The following RAMP3 variants were observed in gnomAD, a reference collection of about 807,000 sequenced individuals.
RAMP3 encodes receptor activity-modifying protein 3.
Under a neutral mutation model 13.5 loss-of-function variants are expected in RAMP3, and 14 were observed. The ratio of observed to expected loss-of-function variants is 1.04; its 90% CI spans 0.69 to 1.63. The LOEUF (loss-of-function observed/expected upper bound fraction) is 1.63, where lower values mean the gene tolerates loss of function less well. RAMP3 is among the 40% of genes most tolerant of loss of function. The probability of loss-of-function intolerance (pLI) is 0.00; values close to 1 mark genes in which losing one functional copy is unlikely to be tolerated. For synonymous variants in RAMP3, 106 were observed against 88.3 expected, an observed-to-expected ratio of 1.20 and a Z score of -1.12; for missense variants, 200 against 204.8, an observed-to-expected ratio of 0.98 and a Z score of 0.14.
intron 1 of RAMP3, among the ~76,000 whole-genome samples, chr7:45,167,573 TTA>T (rs1322601572): frequency 2.1e-5 from 3 of 146,252 alleles, no homozygotes; most frequent in Admixed American, 6.7e-5. Context: ...TTTTTTTTTT[TTA>T]TTTTTGAGAC....
intron 1 of RAMP3, among the ~76,000 whole-genome samples, chr7:45,161,457 GA>G (rs1314708605): frequency 6.6e-6 from 1 of 152,114 alleles, no homozygotes; most frequent in Non-Finnish European, 1.5e-5. Flanking sequence ...TAGTTAATGT[GA>G]AAATGTGGCA....
chr7:45,175,182 A>G (rs1229838045), intron 1 of RAMP3, among the ~76,000 whole-genome samples: 2 of 152,208 alleles, frequency 1.3e-5, no homozygotes, highest in East Asian at 1.9e-4. Flanking sequence ...CGTGGGGGTC[A>G]GGGACATTCC....
chr7:45,167,558 C>CTTTTTT (rs373727786), intron 1 of RAMP3, among the ~76,000 whole-genome samples: 1 of 139,494 alleles, frequency 7.2e-6, no homozygotes. Context: ...CAACTTTGTT[C>CTTTTTT]TTTTTTTTTT....
rs1786359096 is a variant in RAMP3, at chr7:45,183,371, C to T, written c.406C>T (p.Leu136=). Residue 136 remains leucine (L), a synonymous_variant, in exon 3 of 3, where the codon CTG becomes TTG. Coordinates refer to ENST00000242249, the MANE Select transcript of RAMP3 (RefSeq NM_005856.3). ...CGTTCTGACTGTCGCCATGGCTGGC[C>T]TGGTGGTGTGGCGCAGCAAACGCAC... ...PVVLTVAMAG[L]VVWRSKRTDT... 1 of 1,613,492 alleles carries T rather than the reference C, an allele frequency of 6.2e-7. No homozygotes were observed. The highest frequency in any genetic ancestry group is 8.5e-7 in the Non-Finnish European group (1 of 1,180,052).
chr7:45,178,654 C>T (rs1436522960), intron 2 of RAMP3, among the ~76,000 whole-genome samples: 1 of 152,246 alleles, frequency 6.6e-6, no homozygotes, highest in Admixed American at 6.5e-5. Flanking sequence ...CAGGCTCCTC[C>T]TGGTCCTCAG....
At chr7:45,167,135 T>C (rs919345680) in intron 1 of RAMP3, among the ~76,000 whole-genome samples, 3 of 152,106 alleles carry the variant, frequency 2.0e-5, no homozygotes, top group African/African-American at 7.2e-5. Flanking sequence ...TTTTTTGTAC[T>C]TTTAGTAGAG....
intron 1 of RAMP3, among the ~76,000 whole-genome samples, chr7:45,160,330 C>CAAAAAAAAAAAAAAAAAAAAAAAAAAAAA: frequency 5.6e-5 from 1 of 17,870 alleles, no homozygotes; most frequent in Non-Finnish European, 1.1e-4. Context: ...GACTCTGCCT[C>CAAAAAAAAAAAAAAAAAAAAAAAAAAAAA]AAAAAAAAAA....
chr7:45,165,065 A>G (rs1249199878), intron 1 of RAMP3, among the ~76,000 whole-genome samples: 1 of 151,640 alleles, frequency 6.6e-6, no homozygotes, highest in Non-Finnish European at 1.5e-5. Context: ...TTATTACTCC[A>G]TTTCTTTTTC....
intron 1 of RAMP3, among the ~76,000 whole-genome samples, chr7:45,175,910 C>T (rs1584074660): frequency 6.6e-6 from 1 of 152,126 alleles, no homozygotes; most frequent in Non-Finnish European, 1.5e-5. Context: ...TGGAGCAGGT[C>T]CCTGCACCAG....
At position 45,183,378 on chromosome 7, in the gene RAMP3, T is replaced by A; in HGVS notation, c.413T>A (p.Val138Glu). The change falls in exon 3 of 3, where the codon GTG (valine) becomes GAG (glutamate). Residue 138 changes from valine to glutamate, a missense_variant. Transcript: ENST00000242249. ...VLTVAMAGLV[V>E]WRSKRTDTLL ...ACTGTCGCCATGGCTGGCCTGGTGG[T>A]GTGGCGCAGCAAACGCACCGACACG... The A allele has an allele frequency of 6.2e-7, 1 of 1,613,308 alleles. No individual in the cohort carries two copies. Among genetic ancestry groups the A allele is most frequent in the South Asian group, 1.1e-5 (1 of 91,078 alleles).
chr7:45,179,281 C>G (rs1294934), intron 2 of RAMP3, among the ~76,000 whole-genome samples: 63,876 of 151,800 alleles, frequency 0.42, 14,462 homozygotes, highest in Admixed American at 0.51. Flanking sequence ...AGTGACCCCC[C>G]CAACCCCTGG....
rs1785927952 is a variant in RAMP3, at chr7:45,164,845, T to C, written c.58+6959T>C. On this transcript the variant is annotated intron_variant, in intron 1 of 2. Transcript: ENST00000242249. ...TTTATTTTGAACCTATTTGAGTCTT[T>C]TCATTTAAAGTTGGATTCTTGTTGG... Among the ~76,000 whole-genome samples, 3 of 152,236 alleles carry C rather than the reference T, an allele frequency of 2.0e-5. No homozygotes were observed. In the South Asian group the frequency reaches 6.2e-4, roughly 31 times the overall value.
At chr7:45,168,964 T>C (rs1326132950) in intron 1 of RAMP3, among the ~76,000 whole-genome samples, 2 of 152,204 alleles carry the variant, frequency 1.3e-5, no homozygotes, top group Non-Finnish European at 2.9e-5. Flanking sequence ...TCCTAATATA[T>C]TGAGTGTTTT....
At chr7:45,159,345 G>A (rs545348776) in intron 1 of RAMP3, among the ~76,000 whole-genome samples, 1 of 152,296 alleles carries the variant, frequency 6.6e-6, no homozygotes, top group African/African-American at 2.4e-5. Context: ...AGAGGTATCC[G>A]GGACTGGAAC....
rs1204947129 is a variant in RAMP3, at chr7:45,171,830, ATCCCT to A, written c.59-5476_59-5472del. On this transcript the variant is annotated intron_variant, in intron 1 of 2. Transcript: ENST00000242249. ...TTCTGTTCTGTTCCAAATATAGTCA[ATCCCT>A]TCTGCAACAGCTATGGAAATATCTG... is the stretch of plus-strand genomic sequence containing the variant. Among the ~76,000 whole-genome samples, 7 of 152,266 alleles carry A rather than the reference ATCCCT, an allele frequency of 4.6e-5. No homozygotes were observed. The East Asian group carries it at 1.3e-3, about 29-fold the overall frequency.
chr7:45,173,414 G>A (rs936185429), intron 1 of RAMP3, among the ~76,000 whole-genome samples: 2 of 152,070 alleles, frequency 1.3e-5, no homozygotes, highest in African/African-American at 4.8e-5. Flanking sequence ...CAGGACCCTG[G>A]GCTATTGTCC....
chr7:45,160,563 G>T (rs373973014), intron 1 of RAMP3, among the ~76,000 whole-genome samples: 1 of 151,800 alleles, frequency 6.6e-6, no homozygotes, highest in African/African-American at 2.4e-5. Context: ...TCCCAAGGTC[G>T]ACTGACCGTG....
At chr7:45,176,441 G>A (rs974532521) in intron 1 of RAMP3, among the ~76,000 whole-genome samples, 16 of 150,078 alleles carry the variant, frequency 1.1e-4, no homozygotes, top group Non-Finnish European at 1.6e-4. Context: ...AGGGCTGTGC[G>A]TGCACACACA....
At chr7:45,170,807 C>G (rs1424326016) in intron 1 of RAMP3, among the ~76,000 whole-genome samples, 1 of 151,988 alleles carries the variant, frequency 6.6e-6, no homozygotes, top group African/African-American at 2.4e-5. Flanking sequence ...CTATGCCTGG[C>G]TAATTAAAAA....
Sources: allele counts gnomAD v4.1 joint callset (sites outside exome capture counted in the v4.1 genomes callset), GRCh38; gene constraint gnomAD v4.1.1; transcripts MANE v1.5; gene names NCBI Gene and HGNC (gene_info 2026-07-23, HGNC 2026-07-21).